The following CERK variants were observed in gnomAD, a reference collection of about 807,000 sequenced individuals.
CERK encodes the protein acylsphingosine kinase.
Under a neutral mutation model 63.4 loss-of-function variants are expected in CERK, and 39 were observed. The observed-to-expected ratio is 0.61, with a 90% CI of 0.48 to 0.80. CERK has a LOEUF of 0.80. Ranked by LOEUF, CERK falls within the 30% of genes least tolerant of loss-of-function variation. The probability of loss-of-function intolerance (pLI) is 0.00; values close to 1 mark genes in which losing one functional copy is unlikely to be tolerated. For synonymous variants in CERK, 302 were observed against 280.0 expected (o/e 1.08, Z -0.78); for missense variants, 670 against 714.1 (o/e 0.94, Z 0.70).
At position 46,685,709 on chromosome 22, in the gene CERK, C is replaced by CCTTTCACCTGATCTGGGTGGGGCTAAA. The variant is rs2082696819; in HGVS notation, c.*1398_*1424dup. On this transcript the variant is annotated 3_prime_UTR_variant, in exon 13 of 13. Coordinates refer to ENST00000216264, the MANE Select transcript of CERK (RefSeq NM_022766.6). ...CCATAAAAACCACCATTAAAGCTGC[C>CCTTTCACCTGATCTGGGTGGGGCTAAA]CTTTCACCTGATCTGGGTGGGGCTA... is the stretch of plus-strand genomic sequence containing the variant. The CCTTTCACCTGATCTGGGTGGGGCTAAA allele has an allele frequency of 6.6e-6, 1 of 152,170 alleles. No homozygotes were observed. The highest frequency in any genetic ancestry group is 2.4e-5 in the African/African-American group (1 of 41,434). 9.4% of individuals were successfully genotyped at this position (152,170 alleles called of 1,614,324 possible).
intron 11 of CERK, among the ~76,000 whole-genome samples, chr22:46,690,793 A>G (rs2082726353): frequency 1.3e-5 from 2 of 152,178 alleles, no homozygotes; most frequent in South Asian, 4.1e-4. Flanking sequence ...CTGGGAGCCT[A>G]AAGAGTCTAT....
chr22:46,689,122 C>T (rs1224520061), intron 12 of CERK, among the ~76,000 whole-genome samples: 7 of 152,382 alleles, frequency 4.6e-5, no homozygotes, highest in Middle Eastern at 6.8e-3. Flanking sequence ...CCAGGGAGAC[C>T]GAACATCCGT....
At chr22:46,702,261 G>GTGTA (rs2082790255) in intron 6 of CERK, among the ~76,000 whole-genome samples, 1 of 144,036 alleles carries the variant, frequency 6.9e-6, no homozygotes, top group South Asian at 2.2e-4. Context: ...GTGTGTGTGT[G>GTGTA]TGTGTGAACA....
In CERK at chr22:46,690,152, T is replaced by C; in HGVS notation, c.1381A>G (p.Thr461Ala). 2 of 1,613,990 alleles carry C rather than the reference T, an allele frequency of 1.2e-6. No homozygotes were observed. Among genetic ancestry groups the C allele is most frequent in the Non-Finnish European group, 8.5e-7 (1 of 1,180,000 alleles). ...EVYRVKKFQF[T>A]SKHMEDEDSD... Reference sequence around the variant, plus strand: ...TCCTCATCCTCCATGTGCTTCGACGTAAACTGGAATTTCTTGACGCGATAA... The same window carrying C: ...TCCTCATCCTCCATGTGCTTCGACGCAAACTGGAATTTCTTGACGCGATAA... Residue 461 changes from threonine to alanine, a missense_variant, in exon 12 of 13, where the codon ACG becomes GCG. Thr to Ala is a moderately conservative substitution (Grantham distance 58). Coordinates refer to ENST00000216264, the MANE Select transcript of CERK (RefSeq NM_022766.6).
chr22:46,690,129 C>T lies in CERK; in HGVS notation c.1404G>A (p.Glu468=), dbSNP rs2082723103. Residue 468 remains glutamate, a synonymous_variant, in exon 12 of 13, where the codon GAG becomes GAA. Transcript: ENST00000216264. The part of the protein sequence containing the change: ...FQFTSKHMED[E]DSDLKEGGKK... ...TCCCCCCCTCCTTGAGGTCGCTGTCCTCATCCTCCATGTGCTTCGACGTAA... is the reference window on the plus strand; with the variant it reads ...TCCCCCCCTCCTTGAGGTCGCTGTCTTCATCCTCCATGTGCTTCGACGTAA... The T allele has an allele frequency of 6.2e-7, 1 of 1,614,090 alleles. No homozygotes were observed.
intron 7 of CERK, among the ~76,000 whole-genome samples, chr22:46,700,968 G>A (rs113785931): frequency 0.012 from 1,777 of 151,284 alleles, 45 homozygotes; most frequent in African/African-American, 0.041. Flanking sequence ...CCAAGATAGC[G>A]CCACTGCACT....
chr22:46,711,189 C>A, intron 4 of CERK, 40 bp from the exon 5 acceptor site: 1 of 1,460,160 alleles, frequency 6.8e-7, no homozygotes, highest in South Asian at 1.1e-5. Flanking sequence ...ATATTCACAT[C>A]TGTGAGTCCT....
At chr22:46,728,938 C>G (rs182626599) in intron 1 of CERK, among the ~76,000 whole-genome samples, 1 of 152,340 alleles carries the variant, frequency 6.6e-6, no homozygotes, top group African/African-American at 2.4e-5. Flanking sequence ...CCAGATGAGT[C>G]CAGCCTCACT....
rs543283870 is a variant in CERK at position 46,712,110 on chromosome 22, G to T, written c.505+58C>A. On this transcript the variant is annotated intron_variant, in intron 4 of 12. Coordinates refer to ENST00000216264, the MANE Select transcript of CERK (RefSeq NM_022766.6). ...TAGAAAAAGCAGAAACGTCTCTAGT[G>T]ACTATACTTGAATCATTCTCAAACT... The T allele has an allele frequency of 5.9e-4, 933 of 1,593,886 alleles. No homozygotes were observed. Among genetic ancestry groups the T allele is most frequent in the Admixed American group, 7.4e-4 (44 of 59,374 alleles).
At chr22:46,735,007 G>C (rs1275129415) in intron 1 of CERK, among the ~76,000 whole-genome samples, 1 of 152,102 alleles carries the variant, frequency 6.6e-6, no homozygotes, top group East Asian at 1.9e-4. Flanking sequence ...ATCCCAAGTG[G>C]GGTTGGTGGA....
At chr22:46,700,833 G>A (rs556381986) in intron 7 of CERK, among the ~76,000 whole-genome samples, 1 of 152,272 alleles carries the variant, frequency 6.6e-6, no homozygotes, top group South Asian at 2.1e-4. Flanking sequence ...CCAATACGGT[G>A]AAACCCCATC....
chr22:46,728,634 C>T (rs991998849), intron 1 of CERK, among the ~76,000 whole-genome samples: 2 of 152,340 alleles, frequency 1.3e-5, no homozygotes, highest in East Asian at 1.9e-4. Flanking sequence ...CAAGCCCGAC[C>T]GCCTGTCTCT....
Position 46,684,870 on chromosome 22 carries a change from G to C in CERK, c.*2264C>G, listed in dbSNP as rs964570079. 3.3e-5 allele frequency: 5 copies of C among 152,128 alleles called. No homozygotes were observed. The highest frequency in any genetic ancestry group is 5.9e-5 in the Non-Finnish European group (4 of 68,044). The allele number at this position is 152,128 out of a possible 1,614,324, so 9.4% of individuals were successfully genotyped here. On this transcript the variant is annotated 3_prime_UTR_variant, in exon 13 of 13. Coordinates refer to ENST00000216264, the MANE Select transcript of CERK (RefSeq NM_022766.6). The stretch of plus-strand genomic sequence containing the variant: ...GCTGCTGGCAGGTGTCAGACACACG[G>C]TACCGCAACAGCAGTCCCGAGGTCT...
intron 1 of CERK, among the ~76,000 whole-genome samples, chr22:46,730,496 AG>A (rs2082940355): frequency 6.6e-6 from 1 of 152,250 alleles, no homozygotes; most frequent in Non-Finnish European, 1.5e-5. Context: ...TGGAAAGTAC[AG>A]TATCTGAAAT....
chr22:46,733,609 A>T (rs536731080), intron 1 of CERK, among the ~76,000 whole-genome samples: 4 of 151,194 alleles, frequency 2.6e-5, no homozygotes, highest in African/African-American at 7.3e-5. Context: ...CTTTTTTTTT[A>T]AATTTATGAT....
chr22:46,701,621 A>G lies in CERK; in HGVS notation c.790+15T>C. The G allele has an allele frequency of 6.4e-7, 1 of 1,552,672 alleles. No individual in the cohort carries two copies. Among genetic ancestry groups the G allele is most frequent in the South Asian group, 1.2e-5 (1 of 84,108 alleles). On this transcript the variant is annotated intron_variant, in intron 7 of 12. Transcript: ENST00000216264. Reference sequence around the variant, plus strand: ...CCCGGCTGCCACCGTGCGCATGCGCAGAGGAGGGGCTCACCAACAACGATA... The same window carrying G: ...CCCGGCTGCCACCGTGCGCATGCGCGGAGGAGGGGCTCACCAACAACGATA...
At chr22:46,693,722 TGAG>T in intron 9 of CERK, 5 of 489,474 alleles carry the variant, frequency 1.0e-5, no homozygotes, top group Non-Finnish European at 1.9e-5. Flanking sequence ...GGTTTGGACA[TGAG>T]GAGAAGCACA....
chr22:46,691,429 T>TA, intron 11 of CERK, 143 bp downstream of exon 11: 1 of 684,380 alleles, frequency 1.5e-6, no homozygotes, highest in Non-Finnish European at 2.4e-6. Context: ...ACCAGGAGTT[T>TA]AAAGTTTGTG....
chr22:46,728,428 C>T (rs1262335853), intron 1 of CERK, among the ~76,000 whole-genome samples: 4 of 152,172 alleles, frequency 2.6e-5, no homozygotes, highest in Non-Finnish European at 5.9e-5. Context: ...GGAGCAGCCT[C>T]GCTCTGAGTC....
Sources: allele counts gnomAD v4.1 joint callset (sites outside exome capture counted in the v4.1 genomes callset), GRCh38; gene constraint gnomAD v4.1.1; transcripts MANE v1.5; gene names NCBI Gene and HGNC (gene_info 2026-07-23, HGNC 2026-07-21).